Variants in ABTB2 observed in about 807,000 individuals in gnomAD.
ABTB2 encodes the protein ankyrin repeat and BTB/POZ domain-containing protein 2.
Under a neutral mutation model 104.1 loss-of-function variants are expected in ABTB2, and 56 were observed. That is an observed-to-expected ratio of 0.54 (90% CI 0.43 to 0.67). The LOEUF (loss-of-function observed/expected upper bound fraction) is 0.67, where lower values mean the gene tolerates loss of function less well. Among genes scored for constraint, ABTB2 ranks in the 30% least tolerant of loss-of-function variants. The pLI is 0.00. For missense variants in ABTB2, 1,279 were observed against 1,407.7 expected (o/e 0.91, Z 1.46); for synonymous variants, 606 against 608.2 (o/e 1.00, Z 0.05).
rs2133132952 is a variant in ABTB2 at position 34,356,808 on chromosome 11, C to G, written c.776G>C (p.Gly259Ala). The G allele has an allele frequency of 6.2e-7, 1 of 1,606,542 alleles. No individual in the cohort carries two copies. Among genetic ancestry groups the G allele is most frequent in the East Asian group, 2.2e-5 (1 of 44,668 alleles). The change falls in exon 1 of 17, where the codon GGC becomes GCC. Residue 259 changes from glycine (G) to alanine (A), a missense_variant. Coordinates refer to ENST00000435224, the MANE Select transcript of ABTB2 (RefSeq NM_145804.3). This position sits in a 1 kb window ranked among gnomAD's most constrained non-coding sequence, Gnocchi z 4.6. Reference sequence around the variant, plus strand: ...CAGGGCCTCAGCAGACACCTCCCCGCCTCCGGCCCCTCCGCCATCAGGGCT... The same window carrying G: ...CAGGGCCTCAGCAGACACCTCCCCGGCTCCGGCCCCTCCGCCATCAGGGCT... ...SHSPDGGGAG[G>A]GEVSAEALEM...
intron 1 of ABTB2, among the ~76,000 whole-genome samples, chr11:34,259,086 T>C (rs1484435421): frequency 6.6e-6 from 1 of 152,254 alleles, no homozygotes; most frequent in African/African-American, 2.4e-5. Flanking sequence ...TTGCTGCTAT[T>C]GTTAATTCTT....
chr11:34,201,780 A>G (rs1250341667), intron 2 of ABTB2, among the ~76,000 whole-genome samples: 1 of 152,240 alleles, frequency 6.6e-6, no homozygotes, highest in African/African-American at 2.4e-5. Flanking sequence ...AACTTGGCAC[A>G]TGACACAGCC....
At chr11:34,282,244 A>G (rs1319579691) in intron 1 of ABTB2, among the ~76,000 whole-genome samples, 1 of 152,124 alleles carries the variant, frequency 6.6e-6, no homozygotes, top group Non-Finnish European at 1.5e-5. Context: ...GTATCAACAT[A>G]TGAATCTGGG....
At chr11:34,354,383 A>G (rs916057144) in intron 1 of ABTB2, among the ~76,000 whole-genome samples, 2 of 151,570 alleles carry the variant, frequency 1.3e-5, no homozygotes, top group Admixed American at 1.3e-4. Flanking sequence ...CAACATTTTG[A>G]GAGGCCGAGG....
chr11:34,349,409 T>C (rs559641151), intron 1 of ABTB2, among the ~76,000 whole-genome samples: 9 of 152,226 alleles, frequency 5.9e-5, no homozygotes, highest in Middle Eastern at 3.4e-3. Context: ...CCAGATTCCA[T>C]AACTTCCTCC....
At position 34,295,481 on chromosome 11, in the gene ABTB2, T is replaced by A. The variant is rs188663229; in HGVS notation, c.883+61220A>T. 2.4e-4 allele frequency among the ~76,000 whole-genome samples: 37 copies of A among 152,196 alleles called. No individual in the cohort carries two copies. In the East Asian group the frequency reaches 7.0e-3, roughly 29 times the overall value. On this transcript the variant is annotated intron_variant, in intron 1 of 16. Coordinates refer to ENST00000435224, the MANE Select transcript of ABTB2 (RefSeq NM_145804.3). ...ATTTTCAGTGATATGTAAAACAAAG[T>A]CAGTAGTTGAATGTGAAGGGATGGC... is the stretch of plus-strand genomic sequence containing the variant.
rs1852780361 is a variant in ABTB2, at chr11:34,165,145, C to T, written c.1852+115G>A. The stretch of plus-strand genomic sequence containing the variant: ...GTCCAGAGAAGGGGTTTTAAGGCCC[C>T]TGCATGGGGTCCGTGTGTGCTAAAG... On this transcript the variant is annotated intron_variant, in intron 8 of 16. Transcript: ENST00000435224. The T allele has an allele frequency of 3.0e-6, 3 of 1,006,622 alleles. No individual in the cohort carries two copies. The East Asian group carries it at 8.2e-5, about 28-fold the overall frequency. The allele number at this position is 1,006,622 out of a possible 1,614,324, so 62.4% of individuals were successfully genotyped here.
chr11:34,331,079 A>T (rs955451949), intron 1 of ABTB2, among the ~76,000 whole-genome samples: 4 of 152,114 alleles, frequency 2.6e-5, no homozygotes, highest in Admixed American at 6.5e-5. Flanking sequence ...CCATAAAACG[A>T]GGGAGTTCTG....
intron 1 of ABTB2, among the ~76,000 whole-genome samples, chr11:34,351,933 GA>G (rs5790990): frequency 0.16 from 23,642 of 151,424 alleles, 3,206 homozygotes; most frequent in African/African-American, 0.36. Context: ...AGGCGTGCGA[GA>G]AAAAAAAATT....
In ABTB2 at chr11:34,162,703, C is replaced by A. The variant is rs150199433; in HGVS notation, c.2091G>T (p.Ser697=). Residue 697 remains serine (S), a synonymous_variant, in exon 10 of 17, where the codon TCG becomes TCT. Coordinates refer to ENST00000435224, the MANE Select transcript of ABTB2 (RefSeq NM_145804.3). Reference sequence around the variant, plus strand: ...GCCCCTCGCTGCCACTGCCCTGGCTCGACGCATCACTTTCCTCCACACCCT... The same window carrying A: ...GCCCCTCGCTGCCACTGCCCTGGCTAGACGCATCACTTTCCTCCACACCCT... ...LAEGVEESDA[S]SQGSGSEGPV... The A allele has an allele frequency of 6.2e-7, 1 of 1,612,630 alleles. No homozygotes were observed. The highest frequency in any genetic ancestry group is 1.7e-5 in the Admixed American group (1 of 60,006).
chr11:34,332,926 T>C (rs1855149264), intron 1 of ABTB2, among the ~76,000 whole-genome samples: 1 of 151,930 alleles, frequency 6.6e-6, no homozygotes, highest in Non-Finnish European at 1.5e-5. Flanking sequence ...TGAATTATGG[T>C]GAGCACTGGG....
intron 1 of ABTB2, among the ~76,000 whole-genome samples, chr11:34,208,749 G>A (rs934035911): frequency 6.6e-6 from 1 of 151,984 alleles, no homozygotes; most frequent in African/African-American, 2.4e-5. Context: ...CCCAAGGAGA[G>A]ACCTGTGAGT....
chr11:34,155,078 T>A (rs1449434337), intron 14 of ABTB2, among the ~76,000 whole-genome samples: 1 of 152,246 alleles, frequency 6.6e-6, no homozygotes, highest in Non-Finnish European at 1.5e-5. Flanking sequence ...CTGGGGAAAC[T>A]GAGACCCAGG....
intron 1 of ABTB2, among the ~76,000 whole-genome samples, chr11:34,328,630 G>A (rs1021562181): frequency 6.6e-6 from 1 of 152,166 alleles, no homozygotes; most frequent in Non-Finnish European, 1.5e-5. Context: ...CCACCTTTTT[G>A]TTCTCCATGA....
chr11:34,285,531 G>A (rs1377814456), intron 1 of ABTB2, among the ~76,000 whole-genome samples: 1 of 152,178 alleles, frequency 6.6e-6, no homozygotes, highest in African/African-American at 2.4e-5. Context: ...CAAAAGGTTT[G>A]TAGTTTACAA....
At chr11:34,211,833 G>A (rs970395214) in intron 1 of ABTB2, among the ~76,000 whole-genome samples, 3 of 147,652 alleles carry the variant, frequency 2.0e-5, no homozygotes, top group African/African-American at 7.5e-5. Context: ...AGGTTGCAGT[G>A]AGCCGAGATT....
At chr11:34,336,669 C>A (rs1855196256) in intron 1 of ABTB2, among the ~76,000 whole-genome samples, 2 of 151,302 alleles carry the variant, frequency 1.3e-5, no homozygotes, top group African/African-American at 4.9e-5. Flanking sequence ...AACAAACAAA[C>A]AAAAAAAAGC....
chr11:34,188,780 C>T (rs183170483), intron 3 of ABTB2, among the ~76,000 whole-genome samples: 4 of 152,366 alleles, frequency 2.6e-5, no homozygotes, highest in Admixed American at 6.5e-5. Flanking sequence ...AAAAGATTAA[C>T]GAGCCCACTT....
At chr11:34,283,016 C>A (rs1406693299) in intron 1 of ABTB2, among the ~76,000 whole-genome samples, 2 of 151,184 alleles carry the variant, frequency 1.3e-5, no homozygotes, top group African/African-American at 4.9e-5. Context: ...TCACGCCATT[C>A]CCCAGCCTCA....
Sources: gnomAD v4.1 joint callset for allele counts (sites outside exome capture counted in the v4.1 genomes callset) on GRCh38, gnomAD v4.1.1 for gene constraint, Gnocchi (gnomAD v3.1) non-coding constraint, MANE v1.5 for transcripts, NCBI Gene and HGNC (gene_info 2026-07-23, HGNC 2026-07-21) for gene names.